The following PPP3CB variants were observed in gnomAD, a reference collection of about 807,000 sequenced individuals.
PPP3CB encodes protein phosphatase 3 catalytic subunit beta, also known as serine/threonine-protein phosphatase 2B catalytic subunit beta isoform.
PPP3CB carries 8 observed loss-of-function variants against 66.4 expected under a neutral mutation model. That is an observed-to-expected ratio of 0.12 (90% CI 0.07 to 0.22). The LOEUF (loss-of-function observed/expected upper bound fraction) is 0.22. Among genes scored for constraint, PPP3CB ranks in the 10% least tolerant of loss-of-function variants. PPP3CB has a pLI of 1.00. For synonymous variants in PPP3CB, 208 were observed against 221.2 expected (o/e 0.94, Z 0.53); for missense variants, 319 against 642.5 (o/e 0.50, Z 5.44).
chr10:73,463,647 C>T (rs1451886722), intron 9 of PPP3CB, among the ~76,000 whole-genome samples: 1 of 152,178 alleles, frequency 6.6e-6, no homozygotes, highest in African/African-American at 2.4e-5. Context: ...CAGAAATAAC[C>T]TCCTTTCTCT....
In PPP3CB at chr10:73,448,614, T is replaced by A. The variant is rs181856416; in HGVS notation, c.1187-2041A>T. On this transcript the variant is annotated intron_variant, in intron 10 of 13. Transcript: ENST00000360663. Reference sequence around the variant, plus strand: ...GTGCTAACTTACATGGACATGAAGATAACTTATGAAGTCATATTTCAAAAC... The same window carrying A: ...GTGCTAACTTACATGGACATGAAGAAAACTTATGAAGTCATATTTCAAAAC... 1.1e-4 allele frequency: 60 copies of A among 532,746 alleles called. No individual in the cohort carries two copies. The Middle Eastern group carries it at 1.7e-3, about 15-fold the overall frequency. 33.0% of individuals were successfully genotyped at this position (532,746 alleles called of 1,614,324 possible). A position where few individuals can be genotyped will look rare whatever the true frequency, so the allele number is the denominator to read the frequency against.
intron 9 of PPP3CB, among the ~76,000 whole-genome samples, chr10:73,466,338 T>C (rs988725314): frequency 6.6e-6 from 1 of 152,184 alleles, no homozygotes; most frequent in African/African-American, 2.4e-5. Context: ...GAGAATCAAA[T>C]TAGAATCTAT....
At chr10:73,475,247 A>G (rs1440889538) in intron 3 of PPP3CB, among the ~76,000 whole-genome samples, 1 of 152,204 alleles carries the variant, frequency 6.6e-6, no homozygotes, top group African/African-American at 2.4e-5. Context: ...GAGAAGAGCA[A>G]TAAATATTTG....
At chr10:73,474,094 G>A (rs1409365158) in intron 4 of PPP3CB, among the ~76,000 whole-genome samples, 2 of 152,004 alleles carry the variant, frequency 1.3e-5, no homozygotes, top group African/African-American at 4.8e-5. Context: ...CCAGGCTGGA[G>A]TACAATGGCG....
At chr10:73,467,501 G>A in intron 9 of PPP3CB, 52 bp downstream of exon 9, 1 of 1,346,596 alleles carries the variant, frequency 7.4e-7, no homozygotes, top group Non-Finnish European at 9.8e-7. Flanking sequence ...TAGTAAACTG[G>A]AGTAAATGTA....
intron 12 of PPP3CB, among the ~76,000 whole-genome samples, chr10:73,442,726 T>A (rs1224954268): frequency 2.0e-5 from 3 of 151,488 alleles, no homozygotes; most frequent in East Asian, 3.9e-4. Flanking sequence ...TTTTTTTTTT[T>A]AAAGAAAATC....
intron 10 of PPP3CB, among the ~76,000 whole-genome samples, chr10:73,448,279 C>G (rs377155633): frequency 6.6e-6 from 1 of 152,184 alleles, no homozygotes; most frequent in Non-Finnish European, 1.5e-5. Flanking sequence ...CTGTACAAAT[C>G]AGGATTTTAA....
chr10:73,449,631 C>G (rs1017142243), intron 10 of PPP3CB, among the ~76,000 whole-genome samples: 1 of 152,108 alleles, frequency 6.6e-6, no homozygotes, highest in Non-Finnish European at 1.5e-5. Flanking sequence ...AATCAGTTTT[C>G]AAAAATTCTC....
chr10:73,482,696 C>T (rs2056901321), intron 1 of PPP3CB, among the ~76,000 whole-genome samples: 2 of 151,734 alleles, frequency 1.3e-5, no homozygotes, highest in Non-Finnish European at 2.9e-5. Context: ...CGGCTCACTA[C>T]AACATCCACC....
intron 9 of PPP3CB, among the ~76,000 whole-genome samples, chr10:73,463,066 G>GT (rs1352338333): frequency 6.6e-6 from 1 of 150,786 alleles, no homozygotes; most frequent in Non-Finnish European, 1.5e-5. Flanking sequence ...TGTAACAAGA[G>GT]TTTTCTCATT....
intron 10 of PPP3CB, among the ~76,000 whole-genome samples, chr10:73,452,029 A>T (rs948892630): frequency 6.6e-6 from 1 of 151,894 alleles, no homozygotes; most frequent in Non-Finnish European, 1.5e-5. Context: ...TACAGGCGTG[A>T]GCCACCACAC....
rs1188282358 is a variant in PPP3CB at position 73,471,533 on chromosome 10, G to C, written c.604C>G (p.Gln202Glu). The change falls in exon 5 of 14, where the codon CAA becomes GAA. Residue 202 changes from glutamine to glutamate, a missense_variant. This residue lies in a region of PPP3CB where 51 missense variants were observed against 139.6 expected (regional missense o/e 0.37). Coordinates refer to ENST00000360663, the MANE Select transcript of PPP3CB (RefSeq NM_021132.4). ...CCACCATGAACACAAAGAAACTGTTGGTTTAAAAGTGCAGCAAGAGGCAAA... is the reference window on the plus strand; with the variant it reads ...CCACCATGAACACAAAGAAACTGTTCGTTTAAAAGTGCAGCAAGAGGCAAA... ...DSLPLAALLNQQFLCVHGGLS... is the reference protein window; with the variant it reads ...DSLPLAALLNEQFLCVHGGLS... 6.2e-7 allele frequency: 1 copy of C among 1,612,308 alleles called. No individual in the cohort carries two copies. Among genetic ancestry groups the C allele is most frequent in the Non-Finnish European group, 8.5e-7 (1 of 1,178,800 alleles).
At chr10:73,467,503 G>A (rs1414384343) in intron 9 of PPP3CB, 50 bp downstream of exon 9, 3 of 1,359,880 alleles carry the variant, frequency 2.2e-6, no homozygotes, top group African/African-American at 1.5e-5. Flanking sequence ...GTAAACTGGA[G>A]TAAATGTAAC....
intron 1 of PPP3CB, among the ~76,000 whole-genome samples, chr10:73,484,853 A>C (rs2056946781): frequency 6.6e-6 from 1 of 151,964 alleles, no homozygotes; most frequent in Admixed American, 6.6e-5. Flanking sequence ...GGAGGTCAAG[A>C]CCAGCCTGGC....
intron 1 of PPP3CB, among the ~76,000 whole-genome samples, chr10:73,484,961 G>A (rs1022468641): frequency 6.6e-6 from 1 of 152,092 alleles, no homozygotes; most frequent in Non-Finnish European, 1.5e-5. Flanking sequence ...GCTGAGGCAG[G>A]AGAATTGCTT....
intron 12 of PPP3CB, among the ~76,000 whole-genome samples, chr10:73,443,250 A>AAGAGAG (rs60288220): frequency 1.5e-5 from 2 of 136,114 alleles, no homozygotes; most frequent in Non-Finnish European, 3.1e-5. Flanking sequence ...GAGAGAGAGA[A>AAGAGAG]AGAGAGAGAG....
intron 10 of PPP3CB, among the ~76,000 whole-genome samples, chr10:73,447,372 A>T (rs1301726964): frequency 6.6e-6 from 1 of 152,202 alleles, no homozygotes; most frequent in Admixed American, 6.5e-5. Flanking sequence ...GAATGACTCA[A>T]AGGTTTTATC....
chr10:73,456,758 G>C (rs913186934), intron 9 of PPP3CB, among the ~76,000 whole-genome samples: 4 of 152,170 alleles, frequency 2.6e-5, no homozygotes, highest in African/African-American at 9.7e-5. Flanking sequence ...AAATCTTTAT[G>C]AGCTTGGATT....
At chr10:73,461,733 A>G (rs1012847415) in intron 9 of PPP3CB, among the ~76,000 whole-genome samples, 1 of 152,178 alleles carries the variant, frequency 6.6e-6, no homozygotes, top group African/African-American at 2.4e-5. Context: ...GGAGATGATT[A>G]TATTTTGATA....
Sources: allele counts gnomAD v4.1 joint callset (sites outside exome capture counted in the v4.1 genomes callset), GRCh38; gene constraint gnomAD v4.1.1; regional missense constraint gnomAD v4.1.1; transcripts MANE v1.5; gene names NCBI Gene and HGNC (gene_info 2026-07-23, HGNC 2026-07-21).